Variants in MTHFS observed in about 807,000 individuals in gnomAD.
MTHFS encodes 5-formyltetrahydrofolate cyclo-ligase.
MTHFS carries 7 observed loss-of-function variants against 12.7 expected under a neutral mutation model. The ratio of observed to expected loss-of-function variants is 0.55; its 90% CI spans 0.31 to 1.03. MTHFS has a LOEUF of 1.03. Among genes scored for constraint, MTHFS ranks in the 50% least tolerant of loss-of-function variants. MTHFS has a pLI of 0.05. For synonymous variants in MTHFS, 100 were observed against 97.1 expected (o/e 1.03, Z -0.18); for missense variants, 252 against 258.1 (o/e 0.98, Z 0.16).
intron 2 of MTHFS, among the ~76,000 whole-genome samples, chr15:79,881,979 T>C (rs1444856101): frequency 2.0e-5 from 3 of 152,252 alleles, no homozygotes; most frequent in Non-Finnish European, 4.4e-5. Flanking sequence ...CAGGAGGCAA[T>C]GTTCTCAATT....
chr15:79,882,491 T>C (rs982159722), intron 2 of MTHFS, among the ~76,000 whole-genome samples: 3 of 152,194 alleles, frequency 2.0e-5, no homozygotes, highest in African/African-American at 7.2e-5. Flanking sequence ...TAAGTATTAC[T>C]CCATGTACTT....
rs759660749 is a variant in MTHFS, at chr15:79,845,237, G to T, written c.585C>A (p.Val195=). The T allele has an allele frequency of 3.1e-6, 5 of 1,614,128 alleles. No individual in the cohort carries two copies. Among genetic ancestry groups the T allele is most frequent in the Non-Finnish European group, 4.2e-6 (5 of 1,180,022 alleles). Reference sequence around the variant, plus strand: ...AAGCTGTTGACGAGTCTTCGTAAAGGACTTCATCTACCTTCATGTCGTTTT... The same window carrying T: ...AAGCTGTTGACGAGTCTTCGTAAAGTACTTCATCTACCTTCATGTCGTTTT... ...VNENDMKVDE[V]LYEDSSTA Residue 195 remains valine, a synonymous_variant, in exon 3 of 3, where the codon GTC becomes GTA. Coordinates refer to ENST00000258874, the MANE Select transcript of MTHFS (RefSeq NM_006441.4).
At chr15:79,892,889 T>C (rs542003653) in intron 1 of MTHFS, among the ~76,000 whole-genome samples, 2 of 152,146 alleles carry the variant, frequency 1.3e-5, no homozygotes, top group African/African-American at 4.8e-5. Flanking sequence ...AGGCGGAGGT[T>C]GCAGTGAGCC....
intron 2 of MTHFS, among the ~76,000 whole-genome samples, chr15:79,860,245 C>T (rs773386743): frequency 8.3e-4 from 126 of 151,850 alleles, no homozygotes; most frequent in Non-Finnish European, 1.2e-3. Flanking sequence ...AAAAATTAGC[C>T]GGGTGTGGTG....
At chr15:79,883,129 AG>A (rs1245910923) in intron 2 of MTHFS, among the ~76,000 whole-genome samples, 43 of 152,336 alleles carry the variant, frequency 2.8e-4, no homozygotes, top group African/African-American at 1.0e-3. Context: ...ACTTGAGCCC[AG>A]AAGTTCAAGG....
chr15:79,892,561 C>T (rs912358117), intron 1 of MTHFS, among the ~76,000 whole-genome samples: 1 of 152,208 alleles, frequency 6.6e-6, no homozygotes, highest in Non-Finnish European at 1.5e-5. Flanking sequence ...ACACTTGAAA[C>T]ATTACCTTCC....
intron 2 of MTHFS, among the ~76,000 whole-genome samples, chr15:79,884,696 T>C (rs1052638190): frequency 6.6e-6 from 1 of 151,820 alleles, no homozygotes; most frequent in African/African-American, 2.4e-5. Flanking sequence ...AACAGAAATA[T>C]GAAAAACAAA....
At chr15:79,885,043 T>C (rs2034358862) in intron 2 of MTHFS, among the ~76,000 whole-genome samples, 1 of 152,232 alleles carries the variant, frequency 6.6e-6, no homozygotes, top group Non-Finnish European at 1.5e-5. Context: ...CCATCAAATA[T>C]GCCTTGATGA....
chr15:79,890,023 T>C (rs556649915), intron 1 of MTHFS, among the ~76,000 whole-genome samples: 2 of 152,216 alleles, frequency 1.3e-5, no homozygotes, highest in East Asian at 3.9e-4. Flanking sequence ...AAAATCCATC[T>C]GTTCAAATGA....
intron 2 of MTHFS, among the ~76,000 whole-genome samples, chr15:79,862,284 C>T (rs541120198): frequency 5.3e-5 from 8 of 152,318 alleles, no homozygotes; most frequent in African/African-American, 1.9e-4. Context: ...CTATAAGTAA[C>T]ATCAACCTTT....
intron 2 of MTHFS, among the ~76,000 whole-genome samples, chr15:79,871,187 C>A (rs559549084): frequency 1.1e-4 from 17 of 152,122 alleles, no homozygotes; most frequent in African/African-American, 4.1e-4. Flanking sequence ...TTGTCTTTCA[C>A]AGGGGTAAGG....
At chr15:79,896,056 T>A (rs2034562107) in intron 1 of MTHFS, among the ~76,000 whole-genome samples, 1 of 152,230 alleles carries the variant, frequency 6.6e-6, no homozygotes, top group Admixed American at 6.5e-5. Context: ...AAACTGACAT[T>A]ACATAGACTA....
chr15:79,853,905 C>T (rs1481582503), intron 2 of MTHFS, among the ~76,000 whole-genome samples: 1 of 152,204 alleles, frequency 6.6e-6, no homozygotes, highest in Non-Finnish European at 1.5e-5. Flanking sequence ...TTTATAATTT[C>T]TTTCAGCACA....
At position 79,856,654 on chromosome 15, in the gene MTHFS, A is replaced by G. The variant is rs188994645; in HGVS notation, c.380-11212T>C. Among the ~76,000 whole-genome samples, 3 of 152,334 alleles carry G rather than the reference A, an allele frequency of 2.0e-5. No individual in the cohort carries two copies. In the East Asian group the frequency reaches 5.8e-4, roughly 29 times the overall value. On this transcript the variant is annotated intron_variant, in intron 2 of 2. Transcript: ENST00000258874. ...CTGTTTAATGGGTATAGATTTTCAG[A>G]TATGCAATATGAAAAATTCTGGAGA...
intron 2 of MTHFS, among the ~76,000 whole-genome samples, chr15:79,854,847 A>G (rs2033773082): frequency 6.6e-6 from 1 of 152,228 alleles, no homozygotes. Context: ...CTTAATCAAC[A>G]TCATCATCAC....
intron 2 of MTHFS, among the ~76,000 whole-genome samples, chr15:79,850,511 G>T (rs1309550634): frequency 6.6e-6 from 1 of 152,188 alleles, no homozygotes; most frequent in Non-Finnish European, 1.5e-5. Flanking sequence ...GAATGAGTGT[G>T]GCTGTGTCCT....
At chr15:79,854,256 G>A (rs1288099958) in intron 2 of MTHFS, among the ~76,000 whole-genome samples, 2 of 152,252 alleles carry the variant, frequency 1.3e-5, no homozygotes, top group African/African-American at 4.8e-5. Flanking sequence ...GATGCTTAGA[G>A]AAAGCAAGAG....
At chr15:79,868,646 T>C (rs1430887800) in intron 2 of MTHFS, among the ~76,000 whole-genome samples, 1 of 152,168 alleles carries the variant, frequency 6.6e-6, no homozygotes, top group Non-Finnish European at 1.5e-5. Flanking sequence ...AAGAAGGAAT[T>C]TGTCCCTTCT....
At chr15:79,868,217 T>C (rs1163071355) in intron 2 of MTHFS, among the ~76,000 whole-genome samples, 6 of 152,218 alleles carry the variant, frequency 3.9e-5, no homozygotes, top group Admixed American at 3.3e-4. Context: ...AAATATGTAA[T>C]AGCTTTTATT....
Sources: allele counts gnomAD v4.1 joint callset (sites outside exome capture counted in the v4.1 genomes callset), GRCh38; gene constraint gnomAD v4.1.1; transcripts MANE v1.5; gene names NCBI Gene and HGNC (gene_info 2026-07-23, HGNC 2026-07-21).